TMEM108: variants seen among roughly 807,000 people sequenced by gnomAD.
The protein encoded by TMEM108 is transmembrane protein 108.
A neutral mutation model predicts 35.1 loss-of-function variants in TMEM108; 12 were observed. The ratio of observed to expected loss-of-function variants is 0.34; its 90% CI spans 0.22 to 0.55. TMEM108 has a LOEUF of 0.55. Among genes scored for constraint, TMEM108 ranks in the 20% least tolerant of loss-of-function variants. The pLI is 0.89. For synonymous variants in TMEM108, 287 were observed against 308.6 expected (o/e 0.93, Z 0.73); for missense variants, 680 against 753.3 (o/e 0.90, Z 1.14).
chr3:133,349,391 C>A (rs1212629376), intron 3 of TMEM108, among the ~76,000 whole-genome samples: 1 of 151,952 alleles, frequency 6.6e-6, no homozygotes, highest in Non-Finnish European at 1.5e-5. Flanking sequence ...GGAGAGCAAA[C>A]ACAGCAATAT....
intron 2 of TMEM108, among the ~76,000 whole-genome samples, chr3:133,161,426 G>A (rs1257279463): frequency 6.6e-6 from 1 of 152,090 alleles, no homozygotes; most frequent in Non-Finnish European, 1.5e-5. Flanking sequence ...TCCATGAGGC[G>A]GGGACCTTTC....
At chr3:133,158,157 T>C (rs116901012) in intron 2 of TMEM108, among the ~76,000 whole-genome samples, 3,174 of 152,160 alleles carry the variant, frequency 0.021, 51 homozygotes, top group South Asian at 0.065. Flanking sequence ...ATCTCTGTGG[T>C]GTCTCATGTA....
chr3:133,193,938 C>CTTTTTTTT (rs34225124), intron 2 of TMEM108, among the ~76,000 whole-genome samples: 2 of 139,642 alleles, frequency 1.4e-5, no homozygotes, highest in Non-Finnish European at 1.6e-5. Flanking sequence ...AACATTGATT[C>CTTTTTTTT]TTTTTTTTTT....
At chr3:133,258,273 G>A (rs542711839) in intron 3 of TMEM108, among the ~76,000 whole-genome samples, 1 of 152,270 alleles carries the variant, frequency 6.6e-6, no homozygotes, top group Admixed American at 6.5e-5. Context: ...CCTTGATCTT[G>A]GGCTTCTCAG....
intron 4 of TMEM108, chr3:133,386,820 C>G (rs894167719): frequency 1.5e-5 from 11 of 722,132 alleles, no homozygotes; most frequent in African/African-American, 1.5e-4. Context: ...ACTTGAAGAT[C>G]ATCAAGACCT....
intron 3 of TMEM108, among the ~76,000 whole-genome samples, chr3:133,283,625 T>G (rs985228575): frequency 1.3e-5 from 2 of 152,218 alleles, no homozygotes; most frequent in African/African-American, 4.8e-5. Flanking sequence ...CAGGGAACTC[T>G]TCCAAAAACA....
intron 2 of TMEM108, among the ~76,000 whole-genome samples, chr3:133,187,164 A>G (rs994149213): frequency 5.9e-5 from 9 of 152,244 alleles, no homozygotes; most frequent in African/African-American, 2.2e-4. Context: ...CTGAGAGCCT[A>G]AAATAATATG....
chr3:133,274,775 T>C (rs1168504549), intron 3 of TMEM108, among the ~76,000 whole-genome samples: 2 of 152,154 alleles, frequency 1.3e-5, no homozygotes, highest in Non-Finnish European at 2.9e-5. Flanking sequence ...GGTCAAGGGG[T>C]CATATTTCTG....
intron 3 of TMEM108, among the ~76,000 whole-genome samples, chr3:133,324,012 T>C (rs1482113935): frequency 6.6e-6 from 1 of 152,134 alleles, no homozygotes; most frequent in African/African-American, 2.4e-5. Context: ...TCTCACCTTA[T>C]ACAAAAATCA....
At chr3:133,105,685 C>G (rs1351500141) in intron 2 of TMEM108, among the ~76,000 whole-genome samples, 9 of 152,188 alleles carry the variant, frequency 5.9e-5, no homozygotes, top group Admixed American at 4.6e-4. Flanking sequence ...TACCCCCAAA[C>G]TTCCACGACT....
At chr3:133,300,796 G>A (rs928674345) in intron 3 of TMEM108, among the ~76,000 whole-genome samples, 1 of 151,912 alleles carries the variant, frequency 6.6e-6, no homozygotes, top group African/African-American at 2.4e-5. Flanking sequence ...ATGGGGGGTG[G>A]GAGGTATATG....
intron 1 of TMEM108, among the ~76,000 whole-genome samples, chr3:133,043,652 G>A (rs544681901): frequency 6.6e-6 from 1 of 152,038 alleles, no homozygotes; most frequent in African/African-American, 2.4e-5. Context: ...CAGATGTTCA[G>A]TTCCCTTCTA....
intron 2 of TMEM108, among the ~76,000 whole-genome samples, chr3:133,087,933 T>C (rs1943903243): frequency 6.6e-6 from 1 of 152,146 alleles, no homozygotes. Context: ...GAGCCCACTC[T>C]CATAAAGTAA....
At chr3:133,211,951 A>G (rs1001087544) in intron 2 of TMEM108, among the ~76,000 whole-genome samples, 3 of 152,154 alleles carry the variant, frequency 2.0e-5, no homozygotes, top group African/African-American at 7.2e-5. Context: ...TAGAAAGGGA[A>G]ATATGAAAGA....
chr3:133,174,374 G>A (rs1384477626), intron 2 of TMEM108, among the ~76,000 whole-genome samples: 1 of 152,230 alleles, frequency 6.6e-6, no homozygotes, highest in African/African-American at 2.4e-5. Context: ...TGGGCAGACT[G>A]CCTCCTCAAG....
chr3:133,067,999 A>G (rs1410296446), intron 2 of TMEM108, among the ~76,000 whole-genome samples: 1 of 152,016 alleles, frequency 6.6e-6, no homozygotes, highest in Non-Finnish European at 1.5e-5. Flanking sequence ...CACATAAGAC[A>G]GAGGGGAAAT....
chr3:133,112,208 TGGATACC>T (rs1944233867), intron 2 of TMEM108, among the ~76,000 whole-genome samples: 2 of 152,132 alleles, frequency 1.3e-5, no homozygotes, highest in African/African-American at 4.8e-5. Flanking sequence ...ATGATGGTCA[TGGATACC>T]CCTCCAGGAA....
chr3:133,395,236 A>T (rs1228371119), intron 5 of TMEM108, among the ~76,000 whole-genome samples: 4 of 152,250 alleles, frequency 2.6e-5, no homozygotes, highest in Admixed American at 2.6e-4. Flanking sequence ...AGAGATGCAG[A>T]TCCATTCAGC....
chr3:133,374,794 TAGAAAAAAAACAAGAC>T (rs1487639065), intron 3 of TMEM108, among the ~76,000 whole-genome samples: 1 of 151,784 alleles, frequency 6.6e-6, no homozygotes, highest in East Asian at 1.9e-4. Context: ...GGAATAGAGA[TAGAAAAAAAACAAGAC>T]AGAAGAAAAG....
Sources: allele counts gnomAD v4.1 joint callset (sites outside exome capture counted in the v4.1 genomes callset), GRCh38; gene constraint gnomAD v4.1.1; transcripts MANE v1.5; gene names NCBI Gene and HGNC (gene_info 2026-07-23, HGNC 2026-07-21).